Variants in TTC39C observed in about 807,000 individuals in gnomAD.
TTC39C encodes tetratricopeptide repeat domain 39C.
In TTC39C, 33 loss-of-function variants were observed where a neutral mutation model predicts 76.3. The ratio of observed to expected loss-of-function variants is 0.43; its 90% CI spans 0.33 to 0.58. TTC39C has a LOEUF of 0.58. TTC39C is among the 20% of genes least tolerant of loss of function. The probability of loss-of-function intolerance (pLI) is 0.04; values close to 1 mark genes in which losing one functional copy is unlikely to be tolerated. For synonymous variants in TTC39C, 254 were observed against 260.6 expected, an observed-to-expected ratio of 0.97 and a Z score of 0.24; for missense variants, 595 against 701.4, an observed-to-expected ratio of 0.85 and a Z score of 1.71.
chr18:24,013,609 G>T (rs910470178), upstream of TTC39C, among the ~76,000 whole-genome samples: 9 of 151,506 alleles, frequency 5.9e-5, no homozygotes, highest in Admixed American at 2.0e-4. Flanking sequence ...GTTTCTTCAA[G>T]TTGAAATTAA....
At chr18:24,064,028 T>C (rs1483066360) in intron 1 of TTC39C, 112 bp from the exon 2 acceptor site, 2 of 1,428,396 alleles carry the variant, frequency 1.4e-6, no homozygotes, top group African/African-American at 1.5e-5. Context: ...TTAACTTCTT[T>C]TATTCAATTA....
intron 1 of TTC39C, among the ~76,000 whole-genome samples, chr18:24,045,895 ATATATATATATATAT>A (rs2083863638): frequency 2.4e-5 from 1 of 42,356 alleles, no homozygotes; most frequent in Admixed American, 3.2e-4. Context: ...CTGTGAAAAT[ATATATATATATATAT>A]ATATATATAT....
chr18:24,073,815 C>T (rs2084270846), intron 4 of TTC39C, among the ~76,000 whole-genome samples: 1 of 152,222 alleles, frequency 6.6e-6, no homozygotes, highest in Non-Finnish European at 1.5e-5. Flanking sequence ...CCACCATGCC[C>T]AGCCAATCTG....
chr18:23,997,652 G>GAGAAAGAAAGAAAGAAGGAA lies in TTC39C; in HGVS notation c.-17+4630_-17+4631insGGAAAGAAAGAAAGAAAGAA, dbSNP rs2083275193. On this transcript the variant is annotated intron_variant, in intron 1 of 13. Coordinates refer to the TTC39C transcript ENST00000304621. ...GAAAGAGAGGGAGGGAGGAAGGAAG[G>GAGAAAGAAAGAAAGAAGGAA]AGAAAGAAAGAAAGAAAGAAAGAAA... 3.4e-4 allele frequency among the ~76,000 whole-genome samples: 15 copies of GAGAAAGAAAGAAAGAAGGAA among 44,412 alleles called. 1 individual carries two copies. Among genetic ancestry groups the GAGAAAGAAAGAAAGAAGGAA allele is most frequent in the African/African-American group, 1.3e-3 (14 of 10,860 alleles). 29.1% of individuals were successfully genotyped at this position (44,412 alleles called of 152,430 possible). A position where few individuals can be genotyped will look rare whatever the true frequency, so the allele number is the denominator to read the frequency against.
intron 6 of TTC39C, chr18:24,113,884 G>A (rs1550710): frequency 0.058 from 32,181 of 555,170 alleles, 3,690 homozygotes; most frequent in African/African-American, 0.32. Context: ...GTGAATGAAA[G>A]TGTTGGAAAT....
rs36002596 is a variant in TTC39C at position 24,122,500 on chromosome 18, C to CAAAAAAAAAAAA, written c.1187-1325_1187-1314dup. On this transcript the variant is annotated intron_variant, in intron 8 of 13. Coordinates refer to ENST00000317571, the MANE Select transcript of TTC39C (RefSeq NM_001135993.2). ...CTGGTGACAGAGCAAGACTCCATCT[C>CAAAAAAAAAAAA]AAAAAAAAAAAAAAAAAAAAGAAGA... Among the ~76,000 whole-genome samples the CAAAAAAAAAAAA allele has an allele frequency of 3.3e-3, 166 of 50,926 alleles. 17 individuals are homozygous for CAAAAAAAAAAAA. The highest frequency in any genetic ancestry group is 9.4e-3 in the African/African-American group (95 of 10,074). The allele number at this position is 50,926 out of a possible 152,430, so 33.4% of individuals were successfully genotyped here.
intron 4 of TTC39C, among the ~76,000 whole-genome samples, chr18:24,075,684 C>CAAAAAAAAAAAAA (rs371486318): frequency 1.6e-5 from 1 of 64,272 alleles, no homozygotes; most frequent in East Asian, 4.5e-4. Flanking sequence ...GACCTTGTCT[C>CAAAAAAAAAAAAA]AAAAAAAAAA....
At chr18:24,007,794 C>G (rs2083365847) in intron 1 of TTC39C, among the ~76,000 whole-genome samples, 1 of 152,172 alleles carries the variant, frequency 6.6e-6, no homozygotes, top group Non-Finnish European at 1.5e-5. Flanking sequence ...TTAATCATCT[C>G]TATATGATGC....
chr18:23,998,810 G>GGTTCTAAATAGAGACT, intron 1 of TTC39C, among the ~76,000 whole-genome samples: 1 of 151,824 alleles, frequency 6.6e-6, no homozygotes, highest in East Asian at 1.9e-4. Flanking sequence ...GCATGAAGCT[G>GGTTCTAAATAGAGACT]GTGGAGCTCT....
chr18:24,020,092 A>G, intron 1 of TTC39C: 2 of 1,289,418 alleles, frequency 1.6e-6, no homozygotes, highest in South Asian at 2.6e-5. Context: ...GAGAGTCCAC[A>G]GATGCAGAGA....
At chr18:24,074,834 A>G (rs967016975) in intron 4 of TTC39C, among the ~76,000 whole-genome samples, 6 of 152,228 alleles carry the variant, frequency 3.9e-5, no homozygotes, top group Non-Finnish European at 8.8e-5. Context: ...TCATGCTGCT[A>G]TAAAGACACA....
At chr18:24,093,794 A>G (rs2084557424) in intron 6 of TTC39C, among the ~76,000 whole-genome samples, 1 of 152,222 alleles carries the variant, frequency 6.6e-6, no homozygotes, top group Non-Finnish European at 1.5e-5. Context: ...AAAAAACTTT[A>G]TTGCTAAAAC....
chr18:24,078,315 C>T (rs1036983750), intron 4 of TTC39C, among the ~76,000 whole-genome samples: 5 of 152,124 alleles, frequency 3.3e-5, no homozygotes, highest in African/African-American at 1.2e-4. Flanking sequence ...TAGCTTGATA[C>T]CATAGATTGG....
At chr18:24,062,644 C>T (rs778826354) in intron 1 of TTC39C, among the ~76,000 whole-genome samples, 30 of 152,006 alleles carry the variant, frequency 2.0e-4, no homozygotes, top group Admixed American at 4.6e-4. Flanking sequence ...GTTTAAGTAA[C>T]CTATTAAATG....
intron 1 of TTC39C, among the ~76,000 whole-genome samples, chr18:24,024,001 TATATA>T (rs2083562764): frequency 6.2e-4 from 7 of 11,304 alleles, no homozygotes; most frequent in Non-Finnish European, 1.0e-3. Context: ...TATATATATA[TATATA>T]TATATATATA....
intron 1 of TTC39C, among the ~76,000 whole-genome samples, chr18:24,021,899 C>T (rs903336849): frequency 4.6e-5 from 7 of 152,168 alleles, no homozygotes; most frequent in African/African-American, 1.7e-4. Context: ...AGAGTTTCTG[C>T]CATGAACAGG....
intron 12 of TTC39C, among the ~76,000 whole-genome samples, chr18:24,131,020 CAAAAAAAAAAAAAAA>C (rs59161044): frequency 8.3e-4 from 12 of 14,422 alleles, no homozygotes; most frequent in African/African-American, 1.9e-3. Context: ...CTCATCTCTG[CAAAAAAAAAAAAAAA>C]AAAAAAAAAA....
At chr18:23,998,146 T>C (rs532038765) in intron 1 of TTC39C, among the ~76,000 whole-genome samples, 2 of 152,350 alleles carry the variant, frequency 1.3e-5, no homozygotes, top group Non-Finnish European at 2.9e-5. Context: ...GGTTATTATA[T>C]TCTCTACTTT....
At chr18:24,045,913 ATATATATATATATAT>A (rs1248037241) in intron 1 of TTC39C, among the ~76,000 whole-genome samples, 3 of 41,386 alleles carry the variant, frequency 7.2e-5, no homozygotes, top group Admixed American at 4.2e-4. Context: ...ATATATATAT[ATATATATATATATAT>A]TTTTTTTTTT....
Sources: allele counts gnomAD v4.1 joint callset (sites outside exome capture counted in the v4.1 genomes callset), GRCh38; gene constraint gnomAD v4.1.1; transcripts MANE v1.5; gene names NCBI Gene and HGNC (gene_info 2026-07-23, HGNC 2026-07-21).